Variants in PCYOX1L observed in about 807,000 individuals in gnomAD.
The protein encoded by PCYOX1L is prenylcysteine oxidase 1-like.
PCYOX1L carries 40 observed loss-of-function variants against 44.1 expected under a neutral mutation model. The ratio of observed to expected loss-of-function variants is 0.91; its 90% CI spans 0.70 to 1.18. PCYOX1L has a LOEUF of 1.18. Among genes scored for constraint, PCYOX1L ranks in the 50% most tolerant of loss-of-function variants. The pLI, the probability that PCYOX1L is intolerant of heterozygous loss-of-function variation, is 0.00. For synonymous variants in PCYOX1L, 266 were observed against 282.8 expected (o/e 0.94, Z 0.60); for missense variants, 605 against 653.3 (o/e 0.93, Z 0.81).
In PCYOX1L at chr5:149,364,192, T is replaced by A; in HGVS notation, c.452T>A (p.Val151Asp). ...AGGCTGCAGATGTGGGTGGAGGAGG[T>A]CATGGAGAAGTTCATGAGGTAGGGC... ...FLRLQMWVEEVMEKFMRIYKY... is the reference protein window; with the variant it reads ...FLRLQMWVEEDMEKFMRIYKY... Residue 151 changes from valine to aspartate, a missense_variant, in exon 3 of 6, where the codon GTC becomes GAC. Val to Asp is a radical substitution (Grantham distance 152). Transcript: ENST00000274569. 4 of 1,613,172 alleles carry A rather than the reference T, an allele frequency of 2.5e-6. No individual in the cohort carries two copies. Among genetic ancestry groups the A allele is most frequent in the Non-Finnish European group, 3.4e-6 (4 of 1,179,714 alleles).
In PCYOX1L at chr5:149,362,665, T is replaced by C. The variant is rs778010612; in HGVS notation, c.117T>C (p.Ser39=). The change falls in exon 2 of 6, where the codon TCT becomes TCC. Residue 39 remains serine (S), a synonymous_variant. Transcript: ENST00000274569. ...IAVVGAGIGG[S]AVAHFLQQHF... ...TGGTTGGGGCTGGGATTGGGGGCTC[T>C]GCTGTGGCCCATTTTCTCCAGCAGC... The C allele has an allele frequency of 1.7e-5, 27 of 1,614,114 alleles. No homozygotes were observed. Among genetic ancestry groups the C allele is most frequent in the Non-Finnish European group, 2.3e-5 (27 of 1,180,058 alleles).
chr5:149,364,280 G>T, intron 3 of PCYOX1L, 70 bp downstream of exon 3: 3 of 1,570,542 alleles, frequency 1.9e-6, no homozygotes, highest in Non-Finnish European at 8.6e-7. Flanking sequence ...GAACCAGCTT[G>T]CCTGTACTTT....
rs372542183 is a variant in PCYOX1L at position 149,367,349 on chromosome 5, G to A, written c.683-11G>A. 1.4e-5 allele frequency: 23 copies of A among 1,604,348 alleles called. No homozygotes were observed. The African/African-American group carries it at 1.7e-4, about 12-fold the overall frequency. ...GACAACCTATCAGCACCCACTTCCC[G>A]CTTTGCCCAGGAGCCATGTCACTAG... is the stretch of plus-strand genomic sequence containing the variant. On this transcript the variant is annotated splice_polypyrimidine_tract_variant and intron_variant, in intron 4 of 5. Coordinates refer to ENST00000274569, the MANE Select transcript of PCYOX1L (RefSeq NM_024028.4).
Position 149,362,871 on chromosome 5 carries a change from G to C in PCYOX1L, c.295+28G>C, listed in dbSNP as rs749293827. ...GAGTGGTCAGTCCTGGGGCTCCAGT[G>C]CCCAGCGCCCTGGGGCTGGTGACAG... On this transcript the variant is annotated intron_variant, in intron 2 of 5. Transcript: ENST00000274569. The C allele has an allele frequency of 2.5e-6, 4 of 1,611,104 alleles. No homozygotes were observed. The African/African-American group carries it at 5.3e-5, about 21-fold the overall frequency.
chr5:149,363,899 C>G (rs918970994), intron 2 of PCYOX1L, 137 bp from the exon 3 acceptor site: 2 of 869,062 alleles, frequency 2.3e-6, no homozygotes, highest in Non-Finnish European at 3.4e-6. Flanking sequence ...CCCAGTGCAT[C>G]TGTTTACTGT....
intron 5 of PCYOX1L, 106 bp from the exon 6 acceptor site, chr5:149,367,887 C>A: frequency 8.1e-7 from 1 of 1,230,084 alleles, no homozygotes; most frequent in Non-Finnish European, 1.1e-6. Flanking sequence ...AGCCCTGCTG[C>A]ACCCTGAGCA....
chr5:149,365,907 C>T (rs1309307336), intron 3 of PCYOX1L, 35 bp from the exon 4 acceptor site: 1 of 1,609,642 alleles, frequency 6.2e-7, no homozygotes, highest in South Asian at 1.1e-5. Flanking sequence ...AAAAAGCCTT[C>T]CTGCACAAGG....
chr5:149,363,675 T>G, intron 2 of PCYOX1L: 1 of 297,830 alleles, frequency 3.4e-6, no homozygotes, highest in Non-Finnish European at 6.5e-6. Flanking sequence ...AGTTGCAGAG[T>G]GCAGGATGGC....
rs774864286 is a variant in PCYOX1L, at chr5:149,364,209, A to C, written c.469A>C (p.Arg157=). 2.5e-6 allele frequency: 4 copies of C among 1,613,936 alleles called. No homozygotes were observed. The Admixed American group carries it at 6.7e-5, about 27-fold the overall frequency. The change falls in exon 3 of 6, where the codon AGG becomes CGG. Residue 157 remains arginine (R), a splice_region_variant and synonymous_variant. Transcript: ENST00000274569. Reference sequence around the variant, plus strand: ...GGAGGAGGTCATGGAGAAGTTCATGAGGTAGGGCTGGCAGAGCTGTGGGGA... The same window carrying C: ...GGAGGAGGTCATGGAGAAGTTCATGCGGTAGGGCTGGCAGAGCTGTGGGGA... ...WVEEVMEKFM[R]IYKYQAHGYA... is the part of the protein sequence containing the mutation.
chr5:149,368,529 A>G lies in PCYOX1L; in HGVS notation c.1360A>G (p.Ser454Gly). 2.5e-6 allele frequency: 4 copies of G among 1,609,604 alleles called. No individual in the cohort carries two copies. Among genetic ancestry groups the G allele is most frequent in the Non-Finnish European group, 3.4e-6 (4 of 1,177,950 alleles). The stretch of plus-strand genomic sequence containing the variant: ...CCTCAATGCCCTGGAGTGGGCGGCC[A>G]GCTCCGTGGAGGTGATGGCCGTGGC... ...FYLNALEWAA[S>G]SVEVMAVAAK... Residue 454 changes from serine to glycine, a missense_variant, in exon 6 of 6, where the codon AGC becomes GGC. Coordinates refer to ENST00000274569, the MANE Select transcript of PCYOX1L (RefSeq NM_024028.4).
chr5:149,365,809 G>A (rs1758177198), intron 3 of PCYOX1L, 133 bp from the exon 4 acceptor site: 2 of 763,780 alleles, frequency 2.6e-6, no homozygotes. Context: ...AACATGACCA[G>A]CCTCTTCTGC....
chr5:149,361,064 C>T (rs1364075798), intron 1 of PCYOX1L, among the ~76,000 whole-genome samples: 1 of 152,094 alleles, frequency 6.6e-6, no homozygotes, highest in Non-Finnish European at 1.5e-5. Flanking sequence ...GGTGGTAGTC[C>T]AGTTCAGTAG....
chr5:149,362,343 T>G, intron 1 of PCYOX1L: 1 of 408,934 alleles, frequency 2.4e-6, no homozygotes, highest in Non-Finnish European at 4.5e-6. Context: ...AAACTAAATT[T>G]ATTCTCTTTA....
chr5:149,365,639 G>T, intron 3 of PCYOX1L: 1 of 402,498 alleles, frequency 2.5e-6, no homozygotes, highest in Non-Finnish European at 4.6e-6. Flanking sequence ...GGTGAAGAAA[G>T]GGTTATGAAC....
chr5:149,368,190 C>T lies in PCYOX1L; in HGVS notation c.1021C>T (p.Leu341Phe). ...PTVVSLVHGY[L>F]NSSYFGFPDP... ...CGTCGTCTCCTTGGTCCACGGCTAC[C>T]TCAACTCGTCCTACTTCGGTTTCCC... The change falls in exon 6 of 6, where the codon CTC (leucine) becomes TTC (phenylalanine). Residue 341 changes from leucine to phenylalanine, a missense_variant. Coordinates refer to ENST00000274569, the MANE Select transcript of PCYOX1L (RefSeq NM_024028.4). 1 of 1,614,078 alleles carries T rather than the reference C, an allele frequency of 6.2e-7. No individual in the cohort carries two copies. The highest frequency in any genetic ancestry group is 8.5e-7 in the Non-Finnish European group (1 of 1,179,994).
In PCYOX1L at chr5:149,363,382, G is replaced by A. The variant is rs532901516; in HGVS notation, c.295+539G>A. 52 of 290,742 alleles carry A rather than the reference G, an allele frequency of 1.8e-4. 1 individual carries two copies. Among genetic ancestry groups the A allele is most frequent in the Admixed American group, 3.6e-4 (8 of 22,364 alleles). The allele number at this position is 290,742 out of a possible 1,614,324, so 18.0% of individuals were successfully genotyped here. ...GGTGGTCTTACAGATGTGCAAAGTA[G>A]CATAGATACCAAGTTATTCACTACA... On this transcript the variant is annotated intron_variant, in intron 2 of 5. Transcript: ENST00000274569.
Position 149,358,086 on chromosome 5 carries a change from GC to G in PCYOX1L, c.19del (p.Leu7CysfsTer5). The G allele has an allele frequency of 7.0e-7, 1 of 1,433,096 alleles. No homozygotes were observed. The highest frequency in any genetic ancestry group is 9.1e-7 in the Non-Finnish European group (1 of 1,094,966). The allele number at this position is 1,433,096 out of a possible 1,614,324, so 88.8% of individuals were successfully genotyped here. A position where few individuals can be genotyped will look rare whatever the true frequency, so the allele number is the denominator to read the frequency against. MARAAP[L>X]LAALTALLAA... ...CGCCCGCCATGGCCCGCGCAGCCCC[GC>G]TGCTCGCCGCGTTGACCGCGCTCCT... On this transcript the variant is annotated frameshift_variant, in exon 1 of 6. Transcript: ENST00000274569. LOFTEE classifies it high-confidence loss of function.
chr5:149,364,226 C>A lies in PCYOX1L; in HGVS notation c.470+16C>A. ...AGTTCATGAGGTAGGGCTGGCAGAG[C>A]TGTGGGGATGGCGTTCCAGGGGAAC... is the stretch of plus-strand genomic sequence containing the variant. On this transcript the variant is annotated intron_variant, in intron 3 of 5. Transcript: ENST00000274569. The A allele has an allele frequency of 6.2e-7, 1 of 1,612,954 alleles. No individual in the cohort carries two copies. Among genetic ancestry groups the A allele is most frequent in the Non-Finnish European group, 8.5e-7 (1 of 1,179,438 alleles).
chr5:149,364,444 T>C (rs1339169206), intron 3 of PCYOX1L: 2 of 444,138 alleles, frequency 4.5e-6, no homozygotes, highest in African/African-American at 2.0e-5. Flanking sequence ...TCTACTACAC[T>C]GATACTAATA....
Sources: gnomAD v4.1 joint callset for allele counts (sites outside exome capture counted in the v4.1 genomes callset) on GRCh38, gnomAD v4.1.1 for gene constraint, MANE v1.5 for transcripts, NCBI Gene and HGNC (gene_info 2026-07-23, HGNC 2026-07-21) for gene names.